Variants in DGKB observed in about 807,000 individuals in gnomAD.
The protein encoded by DGKB is diacylglycerol kinase beta, also known as 90 kDa diacylglycerol kinase.
In DGKB, 67 loss-of-function variants were observed where a neutral mutation model predicts 114.3. The observed-to-expected ratio is 0.59, with a 90% CI of 0.48 to 0.72. DGKB has a LOEUF of 0.72. Among genes scored for constraint, DGKB ranks in the 30% least tolerant of loss-of-function variants. The pLI, the probability that DGKB is intolerant of heterozygous loss-of-function variation, is 0.00. For synonymous variants in DGKB, 398 were observed against 323.1 expected (o/e 1.23, Z -2.49); for missense variants, 907 against 975.2 (o/e 0.93, Z 0.93).
At chr7:14,491,275 G>C (rs1210401924) in intron 20 of DGKB, among the ~76,000 whole-genome samples, 2 of 151,874 alleles carry the variant, frequency 1.3e-5, no homozygotes, top group Admixed American at 1.3e-4. Context: ...GAGATCTGAT[G>C]GTTTTTTAAG....
chr7:14,655,813 T>C (rs1009552436), intron 13 of DGKB, among the ~76,000 whole-genome samples: 3 of 151,686 alleles, frequency 2.0e-5, no homozygotes, highest in African/African-American at 7.2e-5. Context: ...TACTTATATA[T>C]GGGATCTAAA....
chr7:14,394,676 T>TA (rs397794093), intron 21 of DGKB, among the ~76,000 whole-genome samples: 9 of 151,770 alleles, frequency 5.9e-5, no homozygotes, highest in African/African-American at 1.9e-4. Flanking sequence ...ATTTTTTTTT[T>TA]ATTTTCTGAA....
intron 23 of DGKB, among the ~76,000 whole-genome samples, chr7:14,314,307 G>A (rs569635447): frequency 6.6e-6 from 1 of 152,000 alleles, no homozygotes; most frequent in Admixed American, 6.6e-5. Context: ...GCTGAGAGAA[G>A]AAGGCTTCAG....
chr7:14,437,388 T>C (rs1266182063), intron 21 of DGKB, among the ~76,000 whole-genome samples: 2 of 152,166 alleles, frequency 1.3e-5, no homozygotes, highest in East Asian at 3.8e-4. Flanking sequence ...TTTAGTTTTC[T>C]ACACACTTAC....
At chr7:14,581,008 G>C (rs1799852073) in intron 18 of DGKB, 57 bp from the exon 19 acceptor site, 1 of 1,211,456 alleles carries the variant, frequency 8.3e-7, no homozygotes, top group African/African-American at 1.5e-5. Flanking sequence ...TAAAACGACG[G>C]AAATAAAAAG....
chr7:14,755,790 TC>T (rs988250793), intron 3 of DGKB, among the ~76,000 whole-genome samples: 1 of 152,132 alleles, frequency 6.6e-6, no homozygotes, highest in Admixed American at 6.6e-5. Flanking sequence ...CTTAAAATTT[TC>T]TTCCGAAGGA....
chr7:14,395,770 C>T (rs1292071414), intron 21 of DGKB, among the ~76,000 whole-genome samples: 2 of 151,772 alleles, frequency 1.3e-5, no homozygotes, highest in Admixed American at 1.3e-4. Context: ...TTAAGATATA[C>T]ATTATTTCAC....
At chr7:14,352,727 A>G (rs560927475) in intron 21 of DGKB, among the ~76,000 whole-genome samples, 1 of 152,288 alleles carries the variant, frequency 6.6e-6, no homozygotes, top group South Asian at 2.1e-4. Flanking sequence ...GTTTGAGAGC[A>G]GCCTGACCAA....
intron 20 of DGKB, among the ~76,000 whole-genome samples, chr7:14,547,383 T>C (rs1282095246): frequency 1.3e-5 from 2 of 152,166 alleles, no homozygotes; most frequent in African/African-American, 4.8e-5. Flanking sequence ...AAAATGAAAA[T>C]GTATGACAAT....
chr7:14,185,552 A>G (rs1161951435), intron 23 of DGKB, among the ~76,000 whole-genome samples: 1 of 152,212 alleles, frequency 6.6e-6, no homozygotes, highest in East Asian at 1.9e-4. Context: ...AAGAGCCCAC[A>G]TAGACAAAGC....
chr7:14,621,140 CT>C (rs1248258081), intron 15 of DGKB: 4 of 392,502 alleles, frequency 1.0e-5, no homozygotes, highest in African/African-American at 6.4e-5. Flanking sequence ...CAAAAGATCT[CT>C]TGCCAATTTG....
At chr7:14,771,432 T>TGGGAACTTTAGTCTGGGA (rs1177981831) in intron 2 of DGKB, among the ~76,000 whole-genome samples, 3 of 152,076 alleles carry the variant, frequency 2.0e-5, no homozygotes, top group Admixed American at 2.0e-4. Flanking sequence ...GGAACAATAT[T>TGGGAACTTTAGTCTGGGA]ACCCAATGCT....
At chr7:14,633,741 C>T (rs1170948866) in intron 13 of DGKB, among the ~76,000 whole-genome samples, 2 of 151,118 alleles carry the variant, frequency 1.3e-5, no homozygotes, top group African/African-American at 2.4e-5. Context: ...TTATTTAATC[C>T]AATGTGAGGT....
chr7:14,907,208 C>T (rs1429733814), upstream of DGKB, among the ~76,000 whole-genome samples: 1 of 152,112 alleles, frequency 6.6e-6, no homozygotes, highest in African/African-American at 2.4e-5. Flanking sequence ...ATTTGATAGG[C>T]CTTCAGATCT....
chr7:14,249,664 TC>T (rs1322459987), intron 23 of DGKB, among the ~76,000 whole-genome samples: 1 of 152,184 alleles, frequency 6.6e-6, no homozygotes, highest in African/African-American at 2.4e-5. Context: ...CCTTTGAATT[TC>T]TGTGGTAACA....
chr7:14,338,404 A>G (rs1330236816), intron 23 of DGKB, 111 bp downstream of exon 23: 6 of 571,190 alleles, frequency 1.1e-5, no homozygotes, highest in Non-Finnish European at 1.4e-5. Flanking sequence ...GAAAAATACA[A>G]CTGTAAAAAT....
chr7:14,256,427 C>A (rs1235860445), intron 23 of DGKB, among the ~76,000 whole-genome samples: 1 of 149,862 alleles, frequency 6.7e-6, no homozygotes, highest in East Asian at 2.0e-4. Flanking sequence ...TAAAGTTAAT[C>A]TACAGTATTT....
chr7:14,573,934 T>C (rs374323474), intron 20 of DGKB, among the ~76,000 whole-genome samples: 39 of 152,128 alleles, frequency 2.6e-4, no homozygotes, highest in African/African-American at 9.2e-4. Flanking sequence ...AGCTTCATTT[T>C]AGTAACACAA....
intron 13 of DGKB, among the ~76,000 whole-genome samples, chr7:14,634,679 G>T (rs1810406260): frequency 6.6e-6 from 1 of 151,412 alleles, no homozygotes; most frequent in African/African-American, 2.4e-5. Context: ...AAGAAAAATT[G>T]TCTTCATAAA....
Sources: allele counts gnomAD v4.1 joint callset (sites outside exome capture counted in the v4.1 genomes callset), GRCh38; gene constraint gnomAD v4.1.1; transcripts MANE v1.5; gene names NCBI Gene and HGNC (gene_info 2026-07-23, HGNC 2026-07-21).